BCL2L11: variants seen among roughly 807,000 people sequenced by gnomAD.
BCL2L11 encodes BCL2 like 11, also known as bcl-2-like protein 11.
Under a neutral mutation model 20.6 loss-of-function variants are expected in BCL2L11, and 15 were observed. The ratio of observed to expected loss-of-function variants is 0.73; its 90% CI spans 0.49 to 1.12. The LOEUF (loss-of-function observed/expected upper bound fraction) is 1.12. Ranked by LOEUF, BCL2L11 falls within the 50% of genes most tolerant of loss-of-function variation. The pLI, the probability that BCL2L11 is intolerant of heterozygous loss-of-function variation, is 0.00. For missense variants in BCL2L11, 292 were observed against 260.9 expected (o/e 1.12, Z -0.82); for synonymous variants, 108 against 92.8 (o/e 1.16, Z -0.94).
intron 3 of BCL2L11, among the ~76,000 whole-genome samples, chr2:111,155,487 C>T (rs13397578): frequency 0.016 from 2,463 of 152,314 alleles, 77 homozygotes; most frequent in African/African-American, 0.054. Context: ...GCTGGGGCTG[C>T]AGTCAGAAGC....
In BCL2L11 at chr2:111,162,947, A is replaced by G. The variant is rs569972196; in HGVS notation, c.499-1186A>G. ...TGTGTGTAAAACAGATAAAAATCAC[A>G]GACTGTGGTTACAGAGTGCCTCTAC... is the stretch of plus-strand genomic sequence containing the variant. On this transcript the variant is annotated intron_variant, in intron 3 of 3. Transcript: ENST00000393256. The G allele has an allele frequency of 2.6e-5, 4 of 152,392 alleles. No individual in the cohort carries two copies. In the South Asian group the frequency reaches 8.3e-4, roughly 32 times the overall value. 9.4% of individuals were successfully genotyped at this position (152,392 alleles called of 1,614,324 possible).
chr2:111,133,429 A>G (rs1286401996), intron 2 of BCL2L11, among the ~76,000 whole-genome samples: 2 of 152,010 alleles, frequency 1.3e-5, no homozygotes, highest in Admixed American at 6.6e-5. Context: ...TTGTGTTTTC[A>G]TTTTCATTGA....
chr2:111,136,118 T>C (rs1490758825), intron 2 of BCL2L11, among the ~76,000 whole-genome samples: 1 of 152,064 alleles, frequency 6.6e-6, no homozygotes. Flanking sequence ...TTGGCTAGAG[T>C]AGGGCAGGAG....
intron 2 of BCL2L11, among the ~76,000 whole-genome samples, chr2:111,139,818 C>T (rs2075520646): frequency 6.6e-6 from 1 of 152,242 alleles, no homozygotes. Context: ...TGTATTTTCT[C>T]TTCTCTGCCT....
At position 111,142,384 on chromosome 2, in the gene BCL2L11, A is replaced by C. The variant is rs374980122; in HGVS notation, c.395-7660A>C. 35 of 1,550,308 alleles carry C rather than the reference A, an allele frequency of 2.3e-5. No individual in the cohort carries two copies. In the African/African-American group the frequency reaches 2.5e-4, roughly 11 times the overall value. On this transcript the variant is annotated intron_variant, in intron 2 of 3. Transcript: ENST00000393256. Reference sequence around the variant, plus strand: ...TCAGTGGCCACTCAAGTGGTTAGCAAAATCAAGGTGAAAAGTTTTTCTTTT... The same window carrying C: ...TCAGTGGCCACTCAAGTGGTTAGCACAATCAAGGTGAAAAGTTTTTCTTTT...
chr2:111,128,819 A>G, intron 2 of BCL2L11: 1 of 1,461,442 alleles, frequency 6.8e-7, no homozygotes, highest in African/African-American at 1.5e-5. Context: ...GTCATTGGTG[A>G]TTAAATAAAA....
rs1210947568 is a variant in BCL2L11 at position 111,167,832 on chromosome 2, C to T, written c.*3601C>T. 1.3e-5 allele frequency: 2 copies of T among 152,832 alleles called. No individual in the cohort carries two copies. Among genetic ancestry groups the T allele is most frequent in the African/African-American group, 2.4e-5 (1 of 41,456 alleles). The allele number at this position is 152,832 out of a possible 1,614,324, so 9.5% of individuals were successfully genotyped here. On this transcript the variant is annotated 3_prime_UTR_variant, in exon 4 of 4. Transcript: ENST00000393256. ...ATTTGGTCAGCCTGCTTCTTCAGGT[C>T]GATGCCCTCCTTCTGATACTCCATC...
At chr2:111,122,627 C>G (rs992323680) in intron 1 of BCL2L11, 19 of 984,166 alleles carry the variant, frequency 1.9e-5, no homozygotes, top group Non-Finnish European at 2.3e-5. Context: ...GCGCAGAGCG[C>G]GAGGGGAGGA....
At chr2:111,128,927 T>C (rs2150291407) in intron 2 of BCL2L11, 1 of 1,118,606 alleles carries the variant, frequency 8.9e-7, no homozygotes, top group Non-Finnish European at 1.2e-6. Context: ...TTCTGTTTCA[T>C]CTAAACAGGC....
At chr2:111,155,739 A>C (rs895033404) in intron 3 of BCL2L11, among the ~76,000 whole-genome samples, 4 of 152,188 alleles carry the variant, frequency 2.6e-5, no homozygotes, top group African/African-American at 9.6e-5. Flanking sequence ...GCAGCACATG[A>C]AGCTGCTCTC....
intron 2 of BCL2L11, among the ~76,000 whole-genome samples, chr2:111,130,473 T>C (rs953043756): frequency 3.9e-5 from 6 of 152,248 alleles, no homozygotes; most frequent in Admixed American, 3.9e-4. Context: ...GTTGGTCTTC[T>C]GTTGTGCAGT....
rs372903612 is a variant in BCL2L11, at chr2:111,123,686, A to ATTTTTTTT, written c.-13-43_-13-36dup. The ATTTTTTTT allele has an allele frequency of 1.5e-5, 16 of 1,080,534 alleles. No individual in the cohort carries two copies. The African/African-American group carries it at 1.8e-4, about 12-fold the overall frequency. The allele number at this position is 1,080,534 out of a possible 1,614,324, so 66.9% of individuals were successfully genotyped here. ...TGAGAGCTAATTTGTTTATTCATCGATTTTTTTTTTTGCTTAAAATAATCT... is the reference window on the plus strand; with the variant it reads ...TGAGAGCTAATTTGTTTATTCATCGATTTTTTTTTTTTTTTTTTTGCTTAAAATAATCT... On this transcript the variant is annotated intron_variant, in intron 1 of 3. Transcript: ENST00000393256.
At position 111,136,754 on chromosome 2, in the gene BCL2L11, A is replaced by G. The variant is rs138635353; in HGVS notation, c.394+12615A>G. On this transcript the variant is annotated intron_variant, in intron 2 of 3. Transcript: ENST00000393256. ...CATTCCAATGGCCCCACCTCCTAACACCCATCACTTTCAAGGTCAGGTTTC... is the reference window on the plus strand; with the variant it reads ...CATTCCAATGGCCCCACCTCCTAACGCCCATCACTTTCAAGGTCAGGTTTC... 4.7e-3 allele frequency among the ~76,000 whole-genome samples: 721 copies of G among 152,168 alleles called. 14 individuals carry two copies. The highest frequency in any genetic ancestry group is 0.017 in the African/African-American group (703 of 41,492).
At chr2:111,160,869 G>A (rs1333478725) in intron 3 of BCL2L11, among the ~76,000 whole-genome samples, 3 of 152,234 alleles carry the variant, frequency 2.0e-5, no homozygotes, top group Non-Finnish European at 4.4e-5. Flanking sequence ...CTTAAAGAGT[G>A]ACAGACTGAG....
At chr2:111,125,075 T>G (rs550450755) in intron 2 of BCL2L11, among the ~76,000 whole-genome samples, 1 of 152,354 alleles carries the variant, frequency 6.6e-6, no homozygotes, top group African/African-American at 2.4e-5. Context: ...GGAGAGTATT[T>G]GCCCCTTCTA....
intron 2 of BCL2L11, 36 bp downstream of exon 2, chr2:111,124,175 G>A (rs2150146393): frequency 6.4e-7 from 1 of 1,558,344 alleles, no homozygotes; most frequent in Non-Finnish European, 8.7e-7. Context: ...GTTGACGTGT[G>A]GATGGTTGAA....
intron 3 of BCL2L11, among the ~76,000 whole-genome samples, chr2:111,160,011 C>G (rs569644690): frequency 6.6e-6 from 1 of 152,262 alleles, no homozygotes; most frequent in South Asian, 2.1e-4. Context: ...AGGGCACAGT[C>G]TGTGGGGGAG....
In BCL2L11 at chr2:111,120,982, C is replaced by CGCTGCCGCTGCCGCT; in HGVS notation, c.-218_-217insTGCCGCTGCCGCTGC. The CGCTGCCGCTGCCGCT allele has an allele frequency of 1.2e-4, 4 of 34,000 alleles. No homozygotes were observed. Among genetic ancestry groups the CGCTGCCGCTGCCGCT allele is most frequent in the Non-Finnish European group, 1.9e-4 (4 of 20,874 alleles). The allele number at this position is 34,000 out of a possible 1,614,324, so 2.1% of individuals were successfully genotyped here. ...CTGCGTCCAGCGCCGCTGCCGCTGC[C>CGCTGCCGCTGCCGCT]GCCGCCGCCGCCGCCGCCGCCGCCG... On this transcript the variant is annotated 5_prime_UTR_variant, in exon 1 of 4. Coordinates refer to ENST00000393256, the MANE Select transcript of BCL2L11 (RefSeq NM_138621.5).
intron 3 of BCL2L11, chr2:111,161,288 G>A: frequency 8.7e-7 from 1 of 1,145,032 alleles, no homozygotes; most frequent in South Asian, 1.3e-5. Flanking sequence ...AGGAGGGAGT[G>A]GAGCATCTTC....
Sources: gnomAD v4.1 joint callset for allele counts (sites outside exome capture counted in the v4.1 genomes callset) on GRCh38, gnomAD v4.1.1 for gene constraint, MANE v1.5 for transcripts, NCBI Gene and HGNC (gene_info 2026-07-23, HGNC 2026-07-21) for gene names.